Variants in ANXA4 observed in about 807,000 individuals in gnomAD.
ANXA4 encodes the protein annexin A4.
Under a neutral mutation model 49.8 loss-of-function variants are expected in ANXA4, and 39 were observed. The observed-to-expected ratio is 0.78, with a 90% CI of 0.61 to 1.02. The LOEUF is 1.02. ANXA4 is among the 50% of genes least tolerant of loss of function. The pLI is 0.00. For missense variants in ANXA4, 360 were observed against 410.1 expected (o/e 0.88, Z 1.05); for synonymous variants, 134 against 152.5 (o/e 0.88, Z 0.89).
chr2:69,806,828 C>T (rs1673461042), intron 5 of ANXA4, among the ~76,000 whole-genome samples: 2 of 152,076 alleles, frequency 1.3e-5, no homozygotes, highest in South Asian at 4.1e-4. Flanking sequence ...ACAACACACA[C>T]TGGGGCCTGT....
intron 2 of ANXA4, among the ~76,000 whole-genome samples, chr2:69,717,614 C>T (rs554469501): frequency 3.3e-5 from 5 of 152,342 alleles, no homozygotes; most frequent in African/African-American, 9.6e-5. Flanking sequence ...CTTTCTGTTA[C>T]CGCCATTTCC....
intron 2 of ANXA4, among the ~76,000 whole-genome samples, chr2:69,711,173 T>TA (rs1678667453): frequency 6.6e-6 from 1 of 152,012 alleles, no homozygotes; most frequent in Non-Finnish European, 1.5e-5. Context: ...CTATTAAAAA[T>TA]ACAAAAATGA....
At chr2:69,702,886 T>A (rs1678376481) in intron 2 of ANXA4, among the ~76,000 whole-genome samples, 1 of 152,228 alleles carries the variant, frequency 6.6e-6, no homozygotes, top group Non-Finnish European at 1.5e-5. Context: ...ATCAGTCATT[T>A]TCTATATGAT....
At chr2:69,815,255 A>AAGATGAACTCTTTTGAATTAGGTGAATT (rs1673934516) in intron 8 of ANXA4, 1 of 152,266 alleles carries the variant, frequency 6.6e-6, no homozygotes, top group East Asian at 1.9e-4. Context: ...AGTGCTGAAT[A>AAGATGAACTCTTTTGAATTAGGTGAATT]AGATGAACTC....
intron 1 of ANXA4, among the ~76,000 whole-genome samples, chr2:69,757,440 GTTT>G (rs1196253828): frequency 9.3e-6 from 1 of 108,078 alleles, no homozygotes; most frequent in Non-Finnish European, 2.1e-5. Flanking sequence ...CTAATTTTTT[GTTT>G]TTTTTTTTTT....
At chr2:69,770,750 GACAC>G (rs898197613) in intron 1 of ANXA4, among the ~76,000 whole-genome samples, 2 of 150,806 alleles carry the variant, frequency 1.3e-5, no homozygotes, top group African/African-American at 5.0e-5. Flanking sequence ...CACACGTGCA[GACAC>G]ACACACGTGC....
At chr2:69,709,126 A>G (rs1452441047) in intron 2 of ANXA4, among the ~76,000 whole-genome samples, 9 of 152,176 alleles carry the variant, frequency 5.9e-5, no homozygotes, top group Admixed American at 5.2e-4. Context: ...TAATCCCTAT[A>G]GGAGCATCTT....
At chr2:69,766,294 A>T (rs1671491836) in intron 1 of ANXA4, among the ~76,000 whole-genome samples, 1 of 152,256 alleles carries the variant, frequency 6.6e-6, no homozygotes, top group South Asian at 2.1e-4. Context: ...TGGAGAGAAC[A>T]GTAATAGAAG....
chr2:69,725,659 C>T (rs181753599), intron 3 of ANXA4, among the ~76,000 whole-genome samples: 5 of 152,066 alleles, frequency 3.3e-5, no homozygotes, highest in African/African-American at 4.8e-5. Context: ...TGAAGAGGCT[C>T]AAGGCTCAGA....
chr2:69,788,837 CAA>C (rs34455712), intron 3 of ANXA4, among the ~76,000 whole-genome samples: 70 of 81,982 alleles, frequency 8.5e-4, no homozygotes, highest in Non-Finnish European at 1.0e-3. Flanking sequence ...GACTCCATCT[CAA>C]AAAAAAAAAA....
rs1276366029 is a variant in ANXA4, at chr2:69,785,107, C to G, written c.10-2947C>G. On this transcript the variant is annotated intron_variant, in intron 2 of 12. Coordinates refer to ENST00000394295, the MANE Select transcript of ANXA4 (RefSeq NM_001153.5). The stretch of plus-strand genomic sequence containing the variant: ...AGTCGATGTCATACATGTCTACCTT[C>G]CTCTGTCAGACATATAGAGGGTGAT... Among the ~76,000 whole-genome samples, 4 of 152,280 alleles carry G rather than the reference C, an allele frequency of 2.6e-5. No individual in the cohort carries two copies. The East Asian group carries it at 7.7e-4, about 29-fold the overall frequency.
rs186331488 is a variant in ANXA4 at position 69,650,692 on chromosome 2, A to C, written n.482-2306A>C. On this transcript the variant is annotated intron_variant and non_coding_transcript_variant, in intron 1 of 3. Coordinates refer to the ANXA4 transcript ENST00000418066. ...TGATCTTGAACTCCTGGCCTCAAGC[A>C]ATCCTCCTCCCTCGGCCTCCCAAAG... Among the ~76,000 whole-genome samples, 49 of 152,228 alleles carry C rather than the reference A, an allele frequency of 3.2e-4. No individual in the cohort carries two copies. In the East Asian group the frequency reaches 6.0e-3, roughly 19 times the overall value.
chr2:69,808,083 C>A lies in ANXA4; in HGVS notation c.397+87C>A, dbSNP rs1385511367. ...AGCGGGTTGTTGTTTGCTGATTAGA[C>A]TTTTCACAGAACGCTGAGCATGAGG... On this transcript the variant is annotated intron_variant, in intron 6 of 12. Transcript: ENST00000394295. 6 of 1,279,926 alleles carry A rather than the reference C, an allele frequency of 4.7e-6. No homozygotes were observed. The African/African-American group carries it at 5.9e-5, about 12-fold the overall frequency. The allele number at this position is 1,279,926 out of a possible 1,614,324, so 79.3% of individuals were successfully genotyped here. A position where few individuals can be genotyped will look rare whatever the true frequency, so the allele number is the denominator to read the frequency against.
chr2:69,759,677 C>G (rs1310243526), intron 1 of ANXA4, among the ~76,000 whole-genome samples: 3 of 151,956 alleles, frequency 2.0e-5, no homozygotes, highest in Non-Finnish European at 2.9e-5. Flanking sequence ...TAAATAAAAC[C>G]AGCACTGACT....
chr2:69,723,560 A>C (rs1475784419), intron 3 of ANXA4, among the ~76,000 whole-genome samples: 2 of 152,186 alleles, frequency 1.3e-5, no homozygotes, highest in Non-Finnish European at 2.9e-5. Context: ...ATGTTAGCTA[A>C]GTGAATAAAC....
intron 1 of ANXA4, among the ~76,000 whole-genome samples, chr2:69,742,562 C>T (rs1670441240): frequency 6.6e-6 from 1 of 152,238 alleles, no homozygotes; most frequent in Non-Finnish European, 1.5e-5. Context: ...TTACAGTTTA[C>T]TTTTTAATTC....
chr2:69,736,800 T>C (rs1285017899), intron 3 of ANXA4, among the ~76,000 whole-genome samples: 1 of 152,236 alleles, frequency 6.6e-6, no homozygotes, highest in African/African-American at 2.4e-5. Flanking sequence ...TTTTATTTAC[T>C]TATTTATTTA....
At chr2:69,749,914 C>G (rs1473080405) in intron 1 of ANXA4, among the ~76,000 whole-genome samples, 1 of 144,914 alleles carries the variant, frequency 6.9e-6, no homozygotes, top group Non-Finnish European at 1.5e-5. Context: ...CAGAGCGAGA[C>G]TCTATCTCAA....
chr2:69,819,702 C>T (rs1267890934), intron 11 of ANXA4, among the ~76,000 whole-genome samples: 2 of 152,070 alleles, frequency 1.3e-5, no homozygotes, highest in African/African-American at 4.8e-5. Flanking sequence ...CATTCTAGCT[C>T]CAGAGCCCGT....
Sources: gnomAD v4.1 joint callset for allele counts (sites outside exome capture counted in the v4.1 genomes callset) on GRCh38, gnomAD v4.1.1 for gene constraint, MANE v1.5 for transcripts, NCBI Gene and HGNC (gene_info 2026-07-23, HGNC 2026-07-21) for gene names.